Variants in PTPRT observed in about 807,000 individuals in gnomAD.
PTPRT encodes the protein protein tyrosine phosphatase receptor type T, also known as receptor-type tyrosine-protein phosphatase T.
Under a neutral mutation model 176.8 loss-of-function variants are expected in PTPRT, and 56 were observed. The observed-to-expected ratio is 0.32, with a 90% CI of 0.26 to 0.40. The LOEUF (loss-of-function observed/expected upper bound fraction) is 0.40. Among genes scored for constraint, PTPRT ranks in the 10% least tolerant of loss-of-function variants. The pLI is 1.00. For synonymous variants in PTPRT, 783 were observed against 739.0 expected (o/e 1.06, Z -0.96); for missense variants, 1,540 against 1,908.2 (o/e 0.81, Z 3.60).
At chr20:42,103,096 C>T (rs1986103550) in intron 25 of PTPRT, among the ~76,000 whole-genome samples, 1 of 152,214 alleles carries the variant, frequency 6.6e-6, no homozygotes, top group African/African-American at 2.4e-5. Context: ...CCTGGAGCTT[C>T]CTTGCTTTCT....
At chr20:42,682,132 A>G (rs1357269672) in intron 6 of PTPRT, among the ~76,000 whole-genome samples, 1 of 152,230 alleles carries the variant, frequency 6.6e-6, no homozygotes, top group Non-Finnish European at 1.5e-5. Context: ...TAGTGTTACT[A>G]TAAGGGAGAT....
chr20:42,360,115 G>A (rs1034900874), intron 9 of PTPRT, among the ~76,000 whole-genome samples: 1 of 152,172 alleles, frequency 6.6e-6, no homozygotes, highest in African/African-American at 2.4e-5. Context: ...AACCAAAATG[G>A]AGGGTTAGTT....
intron 6 of PTPRT, among the ~76,000 whole-genome samples, chr20:42,680,865 G>A (rs1404916451): frequency 6.6e-6 from 1 of 152,120 alleles, no homozygotes; most frequent in African/African-American, 2.4e-5. Context: ...GTATATAAAT[G>A]TCCCTATCTC....
At chr20:42,677,433 G>C (rs1458445009) in intron 7 of PTPRT, among the ~76,000 whole-genome samples, 1 of 152,060 alleles carries the variant, frequency 6.6e-6, no homozygotes, top group East Asian at 1.9e-4. Context: ...GAGAAACAGA[G>C]CCAGGAACCC....
intron 6 of PTPRT, among the ~76,000 whole-genome samples, chr20:42,730,149 T>C (rs1569117359): frequency 6.6e-6 from 1 of 152,202 alleles, no homozygotes; most frequent in Non-Finnish European, 1.5e-5. Flanking sequence ...CCCAACGTCA[T>C]TCTTCTAGAA....
Position 42,655,227 on chromosome 20 carries a change from C to T in PTPRT, c.1153+22639G>A, listed in dbSNP as rs142971757. Among the ~76,000 whole-genome samples, 854 of 152,312 alleles carry T rather than the reference C, an allele frequency of 5.6e-3. 7 individuals are homozygous for T. Among genetic ancestry groups the T allele is most frequent in the African/African-American group, 0.019 (807 of 41,564 alleles). On this transcript the variant is annotated intron_variant, in intron 7 of 30. Transcript: ENST00000373187. ...GATCTCAGCTGGGTGCAGTGGCTCA[C>T]GCCTGTAATCCCAGCACATTGGGAG...
At chr20:43,027,563 C>T (rs1985966764) in intron 1 of PTPRT, among the ~76,000 whole-genome samples, 2 of 151,866 alleles carry the variant, frequency 1.3e-5, no homozygotes, top group Non-Finnish European at 2.9e-5. Context: ...GAGAGAGAGA[C>T]AGCAGGGACG....
rs377676395 is a variant in PTPRT, at chr20:42,243,390, G to A, written c.2312+5297C>T. Among the ~76,000 whole-genome samples, 39 of 152,278 alleles carry A rather than the reference G, an allele frequency of 2.6e-4. No individual in the cohort carries two copies. In the East Asian group the frequency reaches 4.8e-3, roughly 19 times the overall value. Reference sequence around the variant, plus strand: ...GTAGTGTGATAAATACACAAATGAAGACTAGCATGTATGGCACAGTGGCTG... The same window carrying A: ...GTAGTGTGATAAATACACAAATGAAAACTAGCATGTATGGCACAGTGGCTG... On this transcript the variant is annotated intron_variant, in intron 14 of 30. Transcript: ENST00000373187.
At chr20:42,966,701 C>T (rs1056644673) in intron 1 of PTPRT, among the ~76,000 whole-genome samples, 1 of 152,188 alleles carries the variant, frequency 6.6e-6, no homozygotes, top group South Asian at 2.1e-4. Flanking sequence ...GTTCTGCCAA[C>T]ATTATTAACG....
intron 16 of PTPRT, among the ~76,000 whole-genome samples, chr20:42,188,717 A>G (rs1308520274): frequency 6.6e-6 from 1 of 152,154 alleles, no homozygotes; most frequent in Non-Finnish European, 1.5e-5. Flanking sequence ...GATTACTTTA[A>G]CAAGCACTTT....
chr20:42,153,137 C>T (rs1989207940), intron 17 of PTPRT, among the ~76,000 whole-genome samples: 1 of 152,192 alleles, frequency 6.6e-6, no homozygotes, highest in African/African-American at 2.4e-5. Flanking sequence ...AGCATTTGAA[C>T]TAGAGTTCTG....
intron 16 of PTPRT, among the ~76,000 whole-genome samples, chr20:42,173,872 A>G (rs1990175260): frequency 6.6e-6 from 1 of 152,198 alleles, no homozygotes; most frequent in Admixed American, 6.5e-5. Context: ...ATCCATTTAT[A>G]CTTTCAGAGA....
At chr20:42,319,678 C>T (rs180864386) in intron 11 of PTPRT, among the ~76,000 whole-genome samples, 88 of 152,352 alleles carry the variant, frequency 5.8e-4, no homozygotes, top group African/African-American at 2.0e-3. Context: ...TATAACTTTC[C>T]TTTCCTGACA....
intron 6 of PTPRT, among the ~76,000 whole-genome samples, chr20:42,742,691 C>T (rs986671178): frequency 1.3e-5 from 2 of 152,304 alleles, no homozygotes; most frequent in South Asian, 4.1e-4. Context: ...GTACAGAGAA[C>T]GTAACATTGT....
chr20:42,398,663 C>T (rs2058875301), intron 9 of PTPRT, among the ~76,000 whole-genome samples: 2 of 152,064 alleles, frequency 1.3e-5, no homozygotes, highest in Non-Finnish European at 1.5e-5. Context: ...TCTTTAATAA[C>T]AATAATTACC....
chr20:43,189,850 C>T lies in PTPRT; in HGVS notation c.-117G>A. 1 of 368,674 alleles carries T rather than the reference C, an allele frequency of 2.7e-6. No individual in the cohort carries two copies. The highest frequency in any genetic ancestry group is 3.7e-6 in the Non-Finnish European group (1 of 268,018). The allele number at this position is 368,674 out of a possible 1,614,324, so 22.8% of individuals were successfully genotyped here. On this transcript the variant is annotated 5_prime_UTR_variant, in exon 1 of 31. Transcript: ENST00000373187. The surrounding 1 kb of genome is among the most constrained non-coding windows in gnomAD (Gnocchi z 5.0). ...CGCTGGCTGTGCGCGCGGCTGGCTCCGCTCGGGCTCCCGGAGCCGGCGCTC... is the reference window on the plus strand; with the variant it reads ...CGCTGGCTGTGCGCGCGGCTGGCTCTGCTCGGGCTCCCGGAGCCGGCGCTC...
intron 6 of PTPRT, among the ~76,000 whole-genome samples, chr20:42,734,161 C>A (rs977995932): frequency 6.6e-6 from 1 of 152,154 alleles, no homozygotes; most frequent in African/African-American, 2.4e-5. Context: ...GCCTGGTTGG[C>A]CCCATCCCTC....
chr20:42,674,406 C>G (rs1326361165), intron 7 of PTPRT, among the ~76,000 whole-genome samples: 4 of 152,200 alleles, frequency 2.6e-5, no homozygotes, highest in Admixed American at 2.6e-4. Flanking sequence ...TTGCAATAGA[C>G]TGTAAATCTT....
chr20:42,279,709 G>T (rs1438434041), intron 13 of PTPRT, among the ~76,000 whole-genome samples: 1 of 152,194 alleles, frequency 6.6e-6, no homozygotes, highest in Non-Finnish European at 1.5e-5. Flanking sequence ...CCAGGTGTGT[G>T]TCTAATATTC....
Sources: allele counts gnomAD v4.1 joint callset (sites outside exome capture counted in the v4.1 genomes callset), GRCh38; gene constraint gnomAD v4.1.1; non-coding constraint Gnocchi (gnomAD v3.1); transcripts MANE v1.5; gene names NCBI Gene and HGNC (gene_info 2026-07-23, HGNC 2026-07-21).